DNAH11: variants seen among roughly 807,000 people sequenced by gnomAD.
DNAH11 encodes the protein axonemal beta dynein heavy chain 11.
A neutral mutation model predicts 526.0 loss-of-function variants in DNAH11; 442 were observed. The observed-to-expected ratio is 0.84, with a 90% CI of 0.78 to 0.91. The LOEUF is 0.91. Among genes scored for constraint, DNAH11 ranks in the 40% least tolerant of loss-of-function variants. The pLI is 0.00. For synonymous variants in DNAH11, 2,461 were observed against 1,935.9 expected, an observed-to-expected ratio of 1.27 and a Z score of -7.12; for missense variants, 6,989 against 5,448.7, an observed-to-expected ratio of 1.28 and a Z score of -8.90.
At position 21,846,568 on chromosome 7, in the gene DNAH11, G is replaced by A. The variant is rs183707131; in HGVS notation, c.10896+3820G>A. Among the ~76,000 whole-genome samples the A allele has an allele frequency of 3.3e-3, 500 of 152,082 alleles. 1 individual carries two copies. The highest frequency in any genetic ancestry group is 4.4e-3 in the Non-Finnish European group (300 of 67,954). ...TACCTGGAATAAATCCCACTTGGTC[G>A]TGGTGTTTAATTATTTTTGTACATT... On this transcript the variant is annotated intron_variant, in intron 66 of 81. Transcript: ENST00000409508.
At position 21,693,905 on chromosome 7, in the gene DNAH11, T is replaced by C. The variant is rs115835896; in HGVS notation, c.6041+3024T>C. ...GAAACTTACACTGATGGCAGAAGGC[T>C]AAGGGGAAGCAAGCATGTCTTACAA... is the stretch of plus-strand genomic sequence containing the variant. On this transcript the variant is annotated intron_variant, in intron 35 of 81. Transcript: ENST00000409508. Among the ~76,000 whole-genome samples the C allele has an allele frequency of 4.3e-3, 648 of 152,260 alleles. 4 individuals carry two copies. The highest frequency in any genetic ancestry group is 0.015 in the African/African-American group (610 of 41,556).
chr7:21,589,714 G>T (rs115471738), intron 12 of DNAH11, among the ~76,000 whole-genome samples: 4 of 152,202 alleles, frequency 2.6e-5, no homozygotes, highest in African/African-American at 9.6e-5. Context: ...GGTACTTGGT[G>T]ACAGTTAGTA....
chr7:21,706,044 C>A (rs1166280771), intron 39 of DNAH11, among the ~76,000 whole-genome samples: 1 of 152,090 alleles, frequency 6.6e-6, no homozygotes. Context: ...AAATATTTTC[C>A]TTCAGTACTC....
chr7:21,576,007 G>A (rs1784080098), intron 8 of DNAH11, among the ~76,000 whole-genome samples: 1 of 152,146 alleles, frequency 6.6e-6, no homozygotes, highest in Admixed American at 6.6e-5. Context: ...TCTGGAAAGA[G>A]GGAGATGTAC....
intron 25 of DNAH11, among the ~76,000 whole-genome samples, chr7:21,626,546 C>G (rs965077132): frequency 6.6e-6 from 1 of 152,108 alleles, no homozygotes; most frequent in Non-Finnish European, 1.5e-5. Context: ...AGTGACTATA[C>G]TAATTTACAT....
At chr7:21,603,145 G>A (rs1785156883) in intron 18 of DNAH11, among the ~76,000 whole-genome samples, 1 of 152,120 alleles carries the variant, frequency 6.6e-6, no homozygotes, top group Non-Finnish European at 1.5e-5. Context: ...CAGATAGATG[G>A]AATCATACAA....
chr7:21,671,339 G>A (rs548105710), intron 30 of DNAH11, among the ~76,000 whole-genome samples: 1 of 152,244 alleles, frequency 6.6e-6, no homozygotes, highest in East Asian at 1.9e-4. Flanking sequence ...AGAGTGGAGT[G>A]GCTGTGACAG....
intron 74 of DNAH11, among the ~76,000 whole-genome samples, chr7:21,874,494 C>T (rs1050334899): frequency 6.6e-6 from 1 of 151,898 alleles, no homozygotes; most frequent in East Asian, 1.9e-4. Flanking sequence ...CACCACCAAG[C>T]CCAGCTAACT....
intron 66 of DNAH11, among the ~76,000 whole-genome samples, chr7:21,848,746 A>G (rs906750858): frequency 5.3e-5 from 8 of 152,236 alleles, no homozygotes; most frequent in African/African-American, 1.7e-4. Flanking sequence ...AGCATTTTAT[A>G]TGATTCTAGT....
At chr7:21,631,334 T>C (rs984200270) in intron 25 of DNAH11, among the ~76,000 whole-genome samples, 2 of 152,158 alleles carry the variant, frequency 1.3e-5, no homozygotes, top group Non-Finnish European at 2.9e-5. Flanking sequence ...TCCCAAATCA[T>C]GTCCTCACAT....
At position 21,889,567 on chromosome 7, in the gene DNAH11, C is replaced by T. The variant is rs537293425; in HGVS notation, c.12508-2858C>T. ...CATCCTCACCAAGACTGCTACTGTC[C>T]ACATTTTTTTATTTTAGCCATTCTG... On this transcript the variant is annotated intron_variant, in intron 76 of 81. Coordinates refer to ENST00000409508, the MANE Select transcript of DNAH11 (RefSeq NM_001277115.2). Among the ~76,000 whole-genome samples, 3 of 152,232 alleles carry T rather than the reference C, an allele frequency of 2.0e-5. No homozygotes were observed. In the South Asian group the frequency reaches 6.2e-4, roughly 32 times the overall value.
At chr7:21,842,884 TGTTAAAA>T in intron 66 of DNAH11, 136 bp downstream of exon 66, 2 of 760,650 alleles carry the variant, frequency 2.6e-6, no homozygotes, top group Non-Finnish European at 4.1e-6. Flanking sequence ...TAAGTATACA[TGTTAAAA>T]GTTAAACAAT....
At chr7:21,799,319 A>T (rs1042601661) in intron 61 of DNAH11, among the ~76,000 whole-genome samples, 1 of 151,976 alleles carries the variant, frequency 6.6e-6, no homozygotes, top group African/African-American at 2.4e-5. Flanking sequence ...TAGACCTGTA[A>T]TATTTTTACT....
At position 21,741,998 on chromosome 7, in the gene DNAH11, T is replaced by C. The variant is rs1248355039; in HGVS notation, c.7986T>C (p.Phe2662=). The C allele has an allele frequency of 1.2e-6, 2 of 1,614,000 alleles. No homozygotes were observed. The highest frequency in any genetic ancestry group is 1.7e-5 in the Admixed American group (1 of 60,024). The change falls in exon 49 of 82, where the codon TTT becomes TTC. Residue 2662 remains phenylalanine, a synonymous_variant. Coordinates refer to ENST00000409508, the MANE Select transcript of DNAH11 (RefSeq NM_001277115.2). The part of the protein sequence containing the change: ...DALNTIYGQI[F]SFHFQQQAFA... ...TAAACACCATCTATGGCCAAATCTTTAGCTTCCATTTCCAACAGCAAGCAT... is the reference window on the plus strand; with the variant it reads ...TAAACACCATCTATGGCCAAATCTTCAGCTTCCATTTCCAACAGCAAGCAT...
intron 68 of DNAH11, among the ~76,000 whole-genome samples, chr7:21,860,230 G>C (rs1239443804): frequency 6.6e-6 from 1 of 151,824 alleles, no homozygotes; most frequent in Non-Finnish European, 1.5e-5. Flanking sequence ...TTTTTAGGGA[G>C]ATGCAACTCA....
At chr7:21,717,723 T>C in intron 42 of DNAH11, 52 bp from the exon 43 acceptor site, 1 of 1,605,658 alleles carries the variant, frequency 6.2e-7, no homozygotes, top group South Asian at 1.1e-5. Context: ...TTGGTGAAAT[T>C]CTGCTTTTCA....
At chr7:21,634,965 A>G (rs1420573546) in intron 25 of DNAH11, among the ~76,000 whole-genome samples, 2 of 152,206 alleles carry the variant, frequency 1.3e-5, no homozygotes, top group Non-Finnish European at 2.9e-5. Context: ...TTTAATTTAA[A>G]CATGAGAAAC....
intron 67 of DNAH11, among the ~76,000 whole-genome samples, chr7:21,854,061 C>T (rs959869959): frequency 6.6e-6 from 1 of 152,144 alleles, no homozygotes. Context: ...CAGAAAACAA[C>T]TAGGTTTGTT....
intron 62 of DNAH11, 94 bp from the exon 63 acceptor site, chr7:21,807,789 G>C: frequency 8.2e-7 from 1 of 1,221,578 alleles, no homozygotes; most frequent in Non-Finnish European, 1.1e-6. Flanking sequence ...TGTGTGGAAG[G>C]ACGTAAACCT....
Sources: gnomAD v4.1 joint callset for allele counts (sites outside exome capture counted in the v4.1 genomes callset) on GRCh38, gnomAD v4.1.1 for gene constraint, MANE v1.5 for transcripts, NCBI Gene and HGNC (gene_info 2026-07-23, HGNC 2026-07-21) for gene names.